The following SUPT3H variants were observed in gnomAD, a reference collection of about 807,000 sequenced individuals.
The protein encoded by SUPT3H is SPT3 homolog, SAGA and STAGA complex component, also known as transcription initiation protein SPT3 homolog.
A neutral mutation model predicts 44.3 loss-of-function variants in SUPT3H; 44 were observed. That is an observed-to-expected ratio of 0.99 (90% confidence interval 0.78 to 1.28). SUPT3H has a LOEUF of 1.28. Among genes scored for constraint, SUPT3H ranks in the 50% most tolerant of loss-of-function variants. The pLI is 0.00. For synonymous variants in SUPT3H, 124 were observed against 125.6 expected, an observed-to-expected ratio of 0.99 and a Z score of 0.09; for missense variants, 380 against 387.1, an observed-to-expected ratio of 0.98 and a Z score of 0.15.
chr6:44,928,663 AG>A (rs1769926893), intron 10 of SUPT3H, among the ~76,000 whole-genome samples: 1 of 151,834 alleles, frequency 6.6e-6, no homozygotes, highest in African/African-American at 2.4e-5. Context: ...TGGGAGGCCG[AG>A]GCGGGCGGAT....
intron 2 of SUPT3H, among the ~76,000 whole-genome samples, chr6:45,356,451 G>T (rs1348585259): frequency 1.3e-5 from 2 of 151,708 alleles, no homozygotes; most frequent in East Asian, 3.9e-4. Context: ...AGGCTGGAGT[G>T]CAGTGGCGCA....
chr6:44,993,537 C>T (rs908689018), intron 6 of SUPT3H, among the ~76,000 whole-genome samples: 1 of 152,006 alleles, frequency 6.6e-6, no homozygotes, highest in African/African-American at 2.4e-5. Flanking sequence ...ACAGCTATAG[C>T]TATGGGTAAA....
At position 44,857,213 on chromosome 6, in the gene SUPT3H, A is replaced by G. The variant is rs567375753; in HGVS notation, c.913-27356T>C. 9.8e-5 allele frequency among the ~76,000 whole-genome samples: 15 copies of G among 152,290 alleles called. 1 individual carries two copies. The East Asian group carries it at 1.7e-3, about 18-fold the overall frequency. On this transcript the variant is annotated intron_variant, in intron 10 of 10. Transcript: ENST00000371459. Reference sequence around the variant, plus strand: ...TTAATCTTTTTATCCAGATGTTCTGAAAATACAAAATAAATAAAGCATCAC... The same window carrying G: ...TTAATCTTTTTATCCAGATGTTCTGGAAATACAAAATAAATAAAGCATCAC...
At chr6:45,239,269 G>T (rs1280128359) in intron 2 of SUPT3H, among the ~76,000 whole-genome samples, 1 of 152,138 alleles carries the variant, frequency 6.6e-6, no homozygotes, top group South Asian at 2.1e-4. Flanking sequence ...CCCTTTTTAC[G>T]TTACTCATAT....
At chr6:45,230,084 T>A (rs1354368780) in intron 2 of SUPT3H, among the ~76,000 whole-genome samples, 1 of 152,224 alleles carries the variant, frequency 6.6e-6, no homozygotes, top group South Asian at 2.1e-4. Context: ...CATGTGGTAT[T>A]TGTCTTTCTG....
At chr6:45,277,412 A>G (rs982513196) in intron 2 of SUPT3H, among the ~76,000 whole-genome samples, 2 of 152,196 alleles carry the variant, frequency 1.3e-5, no homozygotes, top group African/African-American at 2.4e-5. Context: ...AATATATCCC[A>G]GAAGAAAAGA....
At chr6:45,059,625 T>C (rs191322402) in intron 3 of SUPT3H, among the ~76,000 whole-genome samples, 1 of 152,108 alleles carries the variant, frequency 6.6e-6, no homozygotes, top group East Asian at 1.9e-4. Context: ...CATATTCAAA[T>C]AGGGAGAGAG....
chr6:44,981,107 TCTAA>T (rs1779036048), intron 6 of SUPT3H, among the ~76,000 whole-genome samples: 1 of 152,202 alleles, frequency 6.6e-6, no homozygotes, highest in Non-Finnish European at 1.5e-5. Context: ...CATGTTCTAC[TCTAA>T]CTCTTTACTG....
At chr6:45,326,390 A>T (rs1461118825) in intron 2 of SUPT3H, among the ~76,000 whole-genome samples, 1 of 151,886 alleles carries the variant, frequency 6.6e-6, no homozygotes, top group African/African-American at 2.4e-5. Flanking sequence ...TTTACTTTGG[A>T]TACTAATTAG....
chr6:44,940,658 T>C (rs1262174538), intron 9 of SUPT3H, among the ~76,000 whole-genome samples: 1 of 152,154 alleles, frequency 6.6e-6, no homozygotes, highest in African/African-American at 2.4e-5. Flanking sequence ...ATTACTGTAT[T>C]GCTGTCTATC....
At chr6:44,946,389 T>A (rs1169429293) in intron 9 of SUPT3H, among the ~76,000 whole-genome samples, 1 of 152,186 alleles carries the variant, frequency 6.6e-6, no homozygotes, top group Non-Finnish European at 1.5e-5. Context: ...CTCTGATGGA[T>A]CCAAGGAAAG....
At chr6:45,161,830 T>C (rs1296483598) in intron 2 of SUPT3H, among the ~76,000 whole-genome samples, 1 of 152,146 alleles carries the variant, frequency 6.6e-6, no homozygotes, top group Non-Finnish European at 1.5e-5. Context: ...ATTTAAACAC[T>C]ATTTTACACA....
intron 6 of SUPT3H, among the ~76,000 whole-genome samples, chr6:45,000,720 T>G (rs1288949027): frequency 6.6e-6 from 1 of 152,104 alleles, no homozygotes; most frequent in Non-Finnish European, 1.5e-5. Context: ...CTCTGCTTTC[T>G]CTCTAGATTC....
At chr6:45,175,534 G>A (rs1382325634) in intron 2 of SUPT3H, among the ~76,000 whole-genome samples, 8 of 152,296 alleles carry the variant, frequency 5.3e-5, no homozygotes, top group African/African-American at 1.4e-4. Context: ...AGACATGGGT[G>A]TGGACACAAA....
At chr6:45,005,553 A>T (rs1782594363) in intron 5 of SUPT3H, among the ~76,000 whole-genome samples, 1 of 151,924 alleles carries the variant, frequency 6.6e-6, no homozygotes, top group African/African-American at 2.4e-5. Context: ...CAGCCTGACC[A>T]ACATGGAGAG....
intron 10 of SUPT3H, among the ~76,000 whole-genome samples, chr6:44,855,168 G>A (rs1052430748): frequency 1.3e-5 from 2 of 152,120 alleles, no homozygotes; most frequent in Non-Finnish European, 2.9e-5. Context: ...TTCTAGAGAG[G>A]GTCATATAAT....
At chr6:45,226,741 G>A (rs1349105421) in intron 2 of SUPT3H, among the ~76,000 whole-genome samples, 3 of 152,094 alleles carry the variant, frequency 2.0e-5, no homozygotes, top group Non-Finnish European at 4.4e-5. Context: ...ATGTTAGTAA[G>A]GCTGGTCTCG....
At chr6:45,322,485 C>G (rs1040339442) in intron 2 of SUPT3H, among the ~76,000 whole-genome samples, 1 of 151,724 alleles carries the variant, frequency 6.6e-6, no homozygotes, top group African/African-American at 2.4e-5. Context: ...CACTGCTATG[C>G]TTTCTGAGAA....
chr6:44,835,275 C>G (rs191543389), intron 10 of SUPT3H, among the ~76,000 whole-genome samples: 1 of 151,848 alleles, frequency 6.6e-6, no homozygotes, highest in Non-Finnish European at 1.5e-5. Context: ...GTAAAAGGGA[C>G]GATAAAAAAG....
Sources: allele counts gnomAD v4.1 joint callset (sites outside exome capture counted in the v4.1 genomes callset), GRCh38; gene constraint gnomAD v4.1.1; transcripts MANE v1.5; gene names NCBI Gene and HGNC (gene_info 2026-07-23, HGNC 2026-07-21).